The following NRG1 variants were observed in gnomAD, a reference collection of about 807,000 sequenced individuals.
NRG1 encodes the protein pro-neuregulin-1, membrane-bound isoform.
In NRG1, 18 loss-of-function variants were observed where a neutral mutation model predicts 63.8. The observed-to-expected ratio is 0.28, with a 90% CI of 0.19 to 0.42. The LOEUF is 0.42. Among genes scored for constraint, NRG1 ranks in the 10% least tolerant of loss-of-function variants. NRG1 has a pLI of 1.00. For missense variants in NRG1, 762 were observed against 814.7 expected (o/e 0.94, Z 0.79); for synonymous variants, 302 against 301.3 (o/e 1.00, Z -0.02).
chr8:32,150,710 G>A (rs574750356), intron 1 of NRG1, among the ~76,000 whole-genome samples: 69 of 152,256 alleles, frequency 4.5e-4, no homozygotes, highest in Non-Finnish European at 7.5e-4. Flanking sequence ...CTGGCCCACA[G>A]GCTCCTGAGC....
intron 1 of NRG1, among the ~76,000 whole-genome samples, chr8:32,039,087 A>T (rs1398143319): frequency 1.3e-5 from 2 of 152,206 alleles, no homozygotes; most frequent in African/African-American, 2.4e-5. Flanking sequence ...AATTGCAGCT[A>T]CGAAACTAAA....
At chr8:32,211,873 G>C (rs1844735435) in intron 1 of NRG1, among the ~76,000 whole-genome samples, 1 of 151,942 alleles carries the variant, frequency 6.6e-6, no homozygotes, top group South Asian at 2.1e-4. Flanking sequence ...TATCTCCAAG[G>C]ATAGAAAAAT....
chr8:31,798,933 G>A (rs145377738), intron 1 of NRG1, among the ~76,000 whole-genome samples: 3 of 152,112 alleles, frequency 2.0e-5, no homozygotes, highest in East Asian at 3.9e-4. Flanking sequence ...AATATTTTGA[G>A]TTTTTTGGGT....
intron 1 of NRG1, among the ~76,000 whole-genome samples, chr8:31,747,743 T>G (rs546374629): frequency 6.6e-6 from 1 of 152,056 alleles, no homozygotes; most frequent in South Asian, 2.1e-4. Context: ...CAGGCCTCCC[T>G]GGAATACCTG....
At chr8:32,441,718 TC>T (rs1383324584) in intron 1 of NRG1, among the ~76,000 whole-genome samples, 1 of 152,066 alleles carries the variant, frequency 6.6e-6, no homozygotes, top group African/African-American at 2.4e-5. Context: ...TACTCTGGAG[TC>T]TCAACAGAGG....
chr8:32,541,859 C>G (rs955152988), intron 1 of NRG1, among the ~76,000 whole-genome samples: 1 of 152,048 alleles, frequency 6.6e-6, no homozygotes, highest in Non-Finnish European at 1.5e-5. Context: ...GAGATTAAAT[C>G]GAAACTCAAA....
intron 7 of NRG1, among the ~76,000 whole-genome samples, chr8:32,747,247 T>C (rs1445447799): frequency 1.3e-5 from 2 of 152,106 alleles, no homozygotes; most frequent in Non-Finnish European, 2.9e-5. Context: ...GAGTCCTGAC[T>C]CTCTGGAAAG....
chr8:31,669,118 C>T (rs952237299), intron 1 of NRG1, among the ~76,000 whole-genome samples: 6 of 152,012 alleles, frequency 3.9e-5, no homozygotes, highest in Admixed American at 2.6e-4. Context: ...TGTAGTGGTG[C>T]GGTCATGGCT....
chr8:32,460,613 A>G (rs1356564889), intron 1 of NRG1, among the ~76,000 whole-genome samples: 2 of 152,218 alleles, frequency 1.3e-5, no homozygotes, highest in African/African-American at 4.8e-5. Flanking sequence ...AAACTCAGTC[A>G]GCATTTTACT....
intron 1 of NRG1, among the ~76,000 whole-genome samples, chr8:32,323,137 C>A (rs1388561118): frequency 6.6e-6 from 1 of 152,048 alleles, no homozygotes; most frequent in Non-Finnish European, 1.5e-5. Context: ...ATGAGGTCAC[C>A]TCTGATTCCT....
chr8:31,953,688 AAC>A (rs1803863425), intron 1 of NRG1, among the ~76,000 whole-genome samples: 1 of 152,204 alleles, frequency 6.6e-6, no homozygotes, highest in African/African-American at 2.4e-5. Flanking sequence ...TTTAATATAA[AAC>A]ACTGATATTT....
chr8:31,958,050 G>GATAGATAGATAC (rs1327859102), intron 1 of NRG1, among the ~76,000 whole-genome samples: 1 of 151,032 alleles, frequency 6.6e-6, no homozygotes, highest in Non-Finnish European at 1.5e-5. Context: ...AGACCAGATA[G>GATAGATAGATAC]ATAGATAGAT....
chr8:32,719,537 C>A (rs1039426614), intron 5 of NRG1, among the ~76,000 whole-genome samples: 1 of 151,948 alleles, frequency 6.6e-6, no homozygotes, highest in Non-Finnish European at 1.5e-5. Flanking sequence ...GTTTGACACA[C>A]ATAAAAATTA....
intron 1 of NRG1, among the ~76,000 whole-genome samples, chr8:32,348,697 A>G (rs1388157232): frequency 6.6e-6 from 1 of 152,226 alleles, no homozygotes; most frequent in African/African-American, 2.4e-5. Flanking sequence ...TTAGCCACAT[A>G]GTAGGTGAAA....
At chr8:32,642,674 G>A (rs1380468708) in intron 5 of NRG1, among the ~76,000 whole-genome samples, 1 of 152,128 alleles carries the variant, frequency 6.6e-6, no homozygotes, top group Non-Finnish European at 1.5e-5. Context: ...CAAATGAAAC[G>A]ACTGCTGCCA....
At chr8:32,443,973 T>A (rs1477861517) in intron 1 of NRG1, among the ~76,000 whole-genome samples, 1 of 151,632 alleles carries the variant, frequency 6.6e-6, no homozygotes, top group African/African-American at 2.4e-5. Flanking sequence ...TACAATACAA[T>A]TTCCTCCCTT....
At chr8:32,557,222 T>A (rs1428265089) in intron 1 of NRG1, among the ~76,000 whole-genome samples, 1 of 152,158 alleles carries the variant, frequency 6.6e-6, no homozygotes, top group African/African-American at 2.4e-5. Context: ...TTAGCCAGGA[T>A]GGTCTCGATC....
At chr8:32,305,618 C>T (rs1856104420) in intron 1 of NRG1, among the ~76,000 whole-genome samples, 1 of 152,166 alleles carries the variant, frequency 6.6e-6, no homozygotes, top group African/African-American at 2.4e-5. Flanking sequence ...GTCTCTTCAC[C>T]AGCCTTGGTT....
intron 1 of NRG1, among the ~76,000 whole-genome samples, chr8:32,346,965 G>T (rs1455666332): frequency 2.0e-5 from 3 of 152,008 alleles, no homozygotes; most frequent in African/African-American, 7.2e-5. Context: ...AAGCAGCTGG[G>T]ACTACAGGCT....
Sources: gnomAD v4.1 joint callset for allele counts (sites outside exome capture counted in the v4.1 genomes callset) on GRCh38, gnomAD v4.1.1 for gene constraint, MANE v1.5 for transcripts, NCBI Gene and HGNC (gene_info 2026-07-23, HGNC 2026-07-21) for gene names.